MRPS31: variants seen among roughly 807,000 people sequenced by gnomAD.
The protein encoded by MRPS31 is mitochondrial ribosomal protein S31, also known as small ribosomal subunit protein mS31.
Under a neutral mutation model 43.1 loss-of-function variants are expected in MRPS31, and 32 were observed. The ratio of observed to expected loss-of-function variants is 0.74; its 90% confidence interval spans 0.56 to 1.00. MRPS31 has a LOEUF of 1.00. MRPS31 is among the 50% of genes least tolerant of loss of function. The probability of loss-of-function intolerance (pLI) is 0.00; values close to 1 mark genes in which losing one functional copy is unlikely to be tolerated. For synonymous variants in MRPS31, 165 were observed against 161.6 expected (o/e 1.02, Z -0.16); for missense variants, 437 against 466.7 (o/e 0.94, Z 0.59).
chr13:40,765,921 C>G (rs1198010721), intron 2 of MRPS31, among the ~76,000 whole-genome samples: 1 of 152,052 alleles, frequency 6.6e-6, no homozygotes, highest in Non-Finnish European at 1.5e-5. Flanking sequence ...TTGACAAACA[C>G]AAATAATTTT....
At chr13:40,761,012 T>C (rs1198108293) in intron 2 of MRPS31, among the ~76,000 whole-genome samples, 14 of 152,010 alleles carry the variant, frequency 9.2e-5, no homozygotes, top group Admixed American at 5.2e-4. Context: ...CGGTGGCTCA[T>C]TCCTGTATAA....
At chr13:40,743,829 A>G (rs1452262332) in intron 6 of MRPS31, among the ~76,000 whole-genome samples, 6 of 152,246 alleles carry the variant, frequency 3.9e-5, no homozygotes, top group Non-Finnish European at 8.8e-5. Context: ...CTACCATTCA[A>G]CTTAGCAATC....
At chr13:40,735,537 C>A (rs1026264185) in intron 6 of MRPS31, among the ~76,000 whole-genome samples, 1 of 152,080 alleles carries the variant, frequency 6.6e-6, no homozygotes, top group African/African-American at 2.4e-5. Flanking sequence ...CCCTGTCTGA[C>A]AGCTTTGAAG....
chr13:40,751,626 G>A (rs1037830165), intron 5 of MRPS31, among the ~76,000 whole-genome samples: 4 of 152,160 alleles, frequency 2.6e-5, no homozygotes, highest in Non-Finnish European at 5.9e-5. Context: ...CATTCAATCA[G>A]TCAATAAAAA....
chr13:40,757,880 C>T (rs1285282761), intron 3 of MRPS31, among the ~76,000 whole-genome samples: 2 of 151,066 alleles, frequency 1.3e-5, no homozygotes, highest in East Asian at 2.0e-4. Context: ...CAGTGGCTCA[C>T]GCCTGTAATC....
At chr13:40,764,488 C>T (rs1158720544) in intron 2 of MRPS31, among the ~76,000 whole-genome samples, 1 of 152,020 alleles carries the variant, frequency 6.6e-6, no homozygotes, top group East Asian at 1.9e-4. Context: ...GATTGTTTCT[C>T]AGGAGTGGTT....
At chr13:40,770,129 C>T (rs1036883111) in intron 1 of MRPS31, among the ~76,000 whole-genome samples, 1 of 152,308 alleles carries the variant, frequency 6.6e-6, no homozygotes, top group Admixed American at 6.5e-5. Context: ...GAAATTTTTG[C>T]TATCTCTGAC....
intron 1 of MRPS31, 31 bp downstream of exon 1, chr13:40,770,952 CAG>C (rs775579018): frequency 1.2e-6 from 2 of 1,613,728 alleles, no homozygotes; most frequent in Non-Finnish European, 1.7e-6. Context: ...GGAGGATGTA[CAG>C]GACGGGGCAC....
intron 2 of MRPS31, among the ~76,000 whole-genome samples, chr13:40,765,668 C>T (rs1029002160): frequency 6.6e-6 from 1 of 152,032 alleles, no homozygotes; most frequent in African/African-American, 2.4e-5. Context: ...TTTGATATAA[C>T]GTAGAAACCA....
chr13:40,741,656 TGTAA>T (rs1351000380), intron 6 of MRPS31, among the ~76,000 whole-genome samples: 1 of 152,186 alleles, frequency 6.6e-6, no homozygotes, highest in African/African-American at 2.4e-5. Context: ...GAAGAGACTT[TGTAA>T]GTATTTATTG....
chr13:40,729,457 T>A lies in MRPS31; in HGVS notation c.1103A>T (p.Gln368Leu). 1.9e-6 allele frequency: 3 copies of A among 1,606,196 alleles called. 1 individual carries two copies. The South Asian group carries it at 3.3e-5, about 18-fold the overall frequency. Reference sequence around the variant, plus strand: ...AAACCACTCTATGTGTTCAACCTTCTGTTTAACACTAAGATATGGGTTTTT... The same window carrying A: ...AAACCACTCTATGTGTTCAACCTTCAGTTTAACACTAAGATATGGGTTTTT... ...LSKNPYLSVK[Q>L]KVEHIEWFRN... The change falls in exon 7 of 7, where the codon CAG becomes CTG. Residue 368 changes from glutamine (Q) to leucine (L), a missense_variant. By Grantham distance (113) the Gln-to-Leu change is moderately radical. Transcript: ENST00000323563.
At chr13:40,755,601 T>A (rs1414190759) in intron 4 of MRPS31, among the ~76,000 whole-genome samples, 2 of 152,084 alleles carry the variant, frequency 1.3e-5, no homozygotes, top group Non-Finnish European at 2.9e-5. Context: ...ACTGTCAATC[T>A]CCAACAGAAA....
intron 5 of MRPS31, among the ~76,000 whole-genome samples, chr13:40,753,011 T>C (rs772641808): frequency 6.6e-6 from 1 of 151,976 alleles, no homozygotes; most frequent in African/African-American, 2.4e-5. Flanking sequence ...ACATACAACA[T>C]TGTTTCTACC....
intron 2 of MRPS31, among the ~76,000 whole-genome samples, chr13:40,761,312 A>G (rs1880689319): frequency 6.6e-6 from 1 of 152,094 alleles, no homozygotes; most frequent in African/African-American, 2.4e-5. Context: ...AGTTAAAATA[A>G]AATGTGCTTT....
chr13:40,766,920 T>C lies in MRPS31; in HGVS notation c.266A>G (p.Asp89Gly), dbSNP rs200426663. The C allele has an allele frequency of 3.7e-6, 6 of 1,614,142 alleles. No individual in the cohort carries two copies. The highest frequency in any genetic ancestry group is 4.2e-6 in the Non-Finnish European group (5 of 1,180,010). ...TTTTTTCGTATTTTCCTTTTCACTGTCTTGGCTCTCTGAAGTCTCCTTGGA... is the reference window on the plus strand; with the variant it reads ...TTTTTTCGTATTTTCCTTTTCACTGCCTTGGCTCTCTGAAGTCTCCTTGGA... Reference protein sequence around the residue: ...ETSKETSESQDSEKENTKKDL... With the variant: ...ETSKETSESQGSEKENTKKDL... The change falls in exon 2 of 7, where the codon GAC (aspartate) becomes GGC (glycine). Residue 89 changes from aspartate (D) to glycine (G), a missense_variant. By Grantham distance (94) the Asp-to-Gly change is moderately conservative. Transcript: ENST00000323563.
At chr13:40,756,616 C>A (rs1452370054) in intron 4 of MRPS31, among the ~76,000 whole-genome samples, 1 of 152,174 alleles carries the variant, frequency 6.6e-6, no homozygotes, top group African/African-American at 2.4e-5. Context: ...AATGAAAGGA[C>A]CCCTATTCAT....
intron 6 of MRPS31, among the ~76,000 whole-genome samples, chr13:40,741,207 AAG>A (rs1880079765): frequency 6.6e-6 from 1 of 152,206 alleles, no homozygotes; most frequent in East Asian, 1.9e-4. Context: ...AGGTGATAAA[AAG>A]AACTGCTTTA....
chr13:40,734,245 G>T (rs1282909432), intron 6 of MRPS31, among the ~76,000 whole-genome samples: 1 of 152,132 alleles, frequency 6.6e-6, no homozygotes, highest in Non-Finnish European at 1.5e-5. Context: ...GGGTCTCAAA[G>T]CATGTGCTTC....
At chr13:40,736,538 A>C (rs1404108661) in intron 6 of MRPS31, among the ~76,000 whole-genome samples, 75 of 145,172 alleles carry the variant, frequency 5.2e-4, no homozygotes, top group East Asian at 6.9e-4. Flanking sequence ...AGAGAAAGGT[A>C]GGGTTACCCT....
Sources: gnomAD v4.1 joint callset for allele counts (sites outside exome capture counted in the v4.1 genomes callset) on GRCh38, gnomAD v4.1.1 for gene constraint, MANE v1.5 for transcripts, NCBI Gene and HGNC (gene_info 2026-07-23, HGNC 2026-07-21) for gene names.